Variants in NEBL observed in about 807,000 individuals in gnomAD.
NEBL encodes LIM and SH3 protein 2.
A neutral mutation model predicts 140.2 loss-of-function variants in NEBL; 122 were observed. The ratio of observed to expected loss-of-function variants is 0.87; its 90% CI spans 0.75 to 1.01. The LOEUF (loss-of-function observed/expected upper bound fraction) is 1.01. NEBL is among the 50% of genes least tolerant of loss of function. NEBL has a pLI of 0.00. For synonymous variants in NEBL, 436 were observed against 398.9 expected (o/e 1.09, Z -1.11); for missense variants, 1,365 against 1,231.3 (o/e 1.11, Z -1.62).
At chr10:20,985,553 A>T (rs1409605316) in intron 3 of NEBL, among the ~76,000 whole-genome samples, 1 of 152,208 alleles carries the variant, frequency 6.6e-6, no homozygotes, top group Non-Finnish European at 1.5e-5. Context: ...ATCTCAATCT[A>T]AGCTGCTAAT....
chr10:20,797,767 A>T (rs1296760551), intron 26 of NEBL, among the ~76,000 whole-genome samples: 1 of 152,132 alleles, frequency 6.6e-6, no homozygotes, highest in Non-Finnish European at 1.5e-5. Context: ...CAAGTTTAAC[A>T]CACATGGGTC....
intron 1 of NEBL, among the ~76,000 whole-genome samples, chr10:21,269,437 G>A (rs1303304722): frequency 6.6e-6 from 1 of 152,184 alleles, no homozygotes; most frequent in Non-Finnish European, 1.5e-5. Flanking sequence ...AAATAGTCTC[G>A]ATGAGCACAA....
intron 2 of NEBL, among the ~76,000 whole-genome samples, chr10:21,079,534 C>T (rs775776176): frequency 4.9e-4 from 75 of 152,184 alleles, no homozygotes; most frequent in Non-Finnish European, 9.1e-4. Flanking sequence ...AAGTTGGCAA[C>T]ACCACACAGC....
intron 2 of NEBL, among the ~76,000 whole-genome samples, chr10:21,024,486 A>G (rs1057050233): frequency 6.6e-6 from 1 of 151,902 alleles, no homozygotes; most frequent in African/African-American, 2.4e-5. Context: ...AGAGCTAGCA[A>G]AATGCAAGAG....
chr10:20,890,146 G>T (rs2131371613), intron 2 of NEBL, among the ~76,000 whole-genome samples, 197 bp from the exon 3 acceptor site: 1 of 152,272 alleles, frequency 6.6e-6, no homozygotes, highest in South Asian at 2.1e-4. Flanking sequence ...AGTGAGGAAA[G>T]ACCATTCTTT....
intron 3 of NEBL, among the ~76,000 whole-genome samples, chr10:21,188,598 C>CTT (rs774673307): frequency 0.013 from 1,628 of 125,860 alleles, 54 homozygotes; most frequent in African/African-American, 0.041. Flanking sequence ...ATAGTAAAAT[C>CTT]TTTTTTTTTT....
intron 4 of NEBL, among the ~76,000 whole-genome samples, chr10:20,933,179 G>A (rs777214547): frequency 6.6e-6 from 1 of 152,018 alleles, no homozygotes; most frequent in Non-Finnish European, 1.5e-5. Context: ...GATTACTTAT[G>A]GTTCACCATT....
At chr10:21,027,478 C>T (rs1325172405) in intron 2 of NEBL, among the ~76,000 whole-genome samples, 2 of 151,880 alleles carry the variant, frequency 1.3e-5, no homozygotes, top group Non-Finnish European at 2.9e-5. Context: ...GAGGCAACTG[C>T]CACCATGTCA....
chr10:21,122,477 T>C (rs1838626567), intron 2 of NEBL, among the ~76,000 whole-genome samples: 1 of 152,198 alleles, frequency 6.6e-6, no homozygotes, highest in Admixed American at 6.5e-5. Context: ...ATATTTAGGC[T>C]CACTTGATTA....
At chr10:21,151,936 A>T (rs1840155492) in intron 2 of NEBL, among the ~76,000 whole-genome samples, 1 of 152,160 alleles carries the variant, frequency 6.6e-6, no homozygotes, top group African/African-American at 2.4e-5. Flanking sequence ...GCCTCTTTCC[A>T]CTAAGAAGCT....
chr10:20,812,846 T>C lies in NEBL; in HGVS notation c.2441A>G (p.Gln814Arg), dbSNP rs1371962918. Reference protein sequence around the residue: ...PVTERVRKNTQVVSDAAYKGV... With the variant: ...PVTERVRKNTRVVSDAAYKGV... ...TTTATAGGCAGCATCGCTGACCACCTGGGTGTTCTTCCTCACTCTCTCTGT... is the reference window on the plus strand; with the variant it reads ...TTTATAGGCAGCATCGCTGACCACCCGGGTGTTCTTCCTCACTCTCTCTGT... The change falls in exon 24 of 28, where the codon CAG (glutamine) becomes CGG (arginine). Residue 814 changes from glutamine to arginine, a missense_variant. Gln to Arg is a conservative substitution (Grantham distance 43, BLOSUM62 1). Coordinates refer to ENST00000377122, the MANE Select transcript of NEBL (RefSeq NM_006393.3). 2.5e-6 allele frequency: 4 copies of C among 1,614,024 alleles called. No individual in the cohort carries two copies. The highest frequency in any genetic ancestry group is 1.1e-5 in the South Asian group (1 of 91,082).
At chr10:21,256,615 G>C (rs1842662840) in intron 1 of NEBL, among the ~76,000 whole-genome samples, 1 of 152,182 alleles carries the variant, frequency 6.6e-6, no homozygotes, top group Non-Finnish European at 1.5e-5. Flanking sequence ...AGGATAACTT[G>C]AGGCCAGGAG....
intron 2 of NEBL, among the ~76,000 whole-genome samples, chr10:21,064,928 T>A (rs1276518953): frequency 6.6e-6 from 1 of 151,734 alleles, no homozygotes; most frequent in East Asian, 1.9e-4. Context: ...TATTTAAGAA[T>A]GAGATAGAAA....
chr10:21,071,387 C>T (rs904907816), intron 2 of NEBL, among the ~76,000 whole-genome samples: 7 of 151,930 alleles, frequency 4.6e-5, no homozygotes, highest in Admixed American at 4.6e-4. Context: ...CCTTTGTCCT[C>T]GAGTGAGTTG....
chr10:21,195,594 C>T (rs760195936), intron 3 of NEBL, among the ~76,000 whole-genome samples: 1 of 152,204 alleles, frequency 6.6e-6, no homozygotes, highest in Non-Finnish European at 1.5e-5. Flanking sequence ...AGTTGCATAA[C>T]TGTCATTCCA....
intron 14 of NEBL, among the ~76,000 whole-genome samples, chr10:20,835,124 T>G (rs976535387): frequency 6.6e-6 from 1 of 152,208 alleles, no homozygotes; most frequent in Admixed American, 6.5e-5. Flanking sequence ...AGTGTCCATA[T>G]ATGAAGTTCT....
At chr10:21,233,955 T>G (rs1842309237) in intron 3 of NEBL, among the ~76,000 whole-genome samples, 1 of 145,986 alleles carries the variant, frequency 6.8e-6, no homozygotes. Flanking sequence ...TGGATGTGCG[T>G]TAGTATAGAT....
intron 26 of NEBL, among the ~76,000 whole-genome samples, chr10:20,790,496 G>A (rs532002554): frequency 4.4e-4 from 67 of 151,550 alleles, no homozygotes; most frequent in African/African-American, 1.6e-3. Context: ...AGCTACTCGG[G>A]AGGCTGAGGT....
At chr10:21,108,127 T>C (rs950678369) in intron 2 of NEBL, among the ~76,000 whole-genome samples, 1 of 152,190 alleles carries the variant, frequency 6.6e-6, no homozygotes, top group Non-Finnish European at 1.5e-5. Flanking sequence ...CTGGATTCAA[T>C]GATTTTTGAA....
Sources: gnomAD v4.1 joint callset for allele counts (sites outside exome capture counted in the v4.1 genomes callset) on GRCh38, gnomAD v4.1.1 for gene constraint, MANE v1.5 for transcripts, NCBI Gene and HGNC (gene_info 2026-07-23, HGNC 2026-07-21) for gene names.